Variants in ANTXR1 observed in about 807,000 individuals in gnomAD.
The protein encoded by ANTXR1 is ANTXR cell adhesion molecule 1.
A neutral mutation model predicts 78.1 loss-of-function variants in ANTXR1; 19 were observed. The observed-to-expected ratio is 0.24, with a 90% CI of 0.17 to 0.36. The LOEUF is 0.36. Among genes scored for constraint, ANTXR1 ranks in the 10% least tolerant of loss-of-function variants. The probability of loss-of-function intolerance (pLI) is 1.00; values close to 1 mark genes in which losing one functional copy is unlikely to be tolerated. For missense variants in ANTXR1, 518 were observed against 718.6 expected (o/e 0.72, Z 3.19); for synonymous variants, 273 against 260.5 (o/e 1.05, Z -0.46).
At chr2:69,207,095 C>T (rs12474538) in intron 17 of ANTXR1, among the ~76,000 whole-genome samples, 1 of 152,080 alleles carries the variant, frequency 6.6e-6, no homozygotes, top group Non-Finnish European at 1.5e-5. Flanking sequence ...AGGGTGTCAT[C>T]CACAGCCAGG....
At chr2:69,124,446 A>G (rs2104379895) in intron 11 of ANTXR1, 119 bp from the exon 12 acceptor site, 1 of 882,056 alleles carries the variant, frequency 1.1e-6, no homozygotes, top group East Asian at 2.4e-5. Context: ...CCTGGAGAAG[A>G]GACTCCAGTC....
Position 69,245,616 on chromosome 2 carries a change from C to A in ANTXR1, c.*131C>A. On this transcript the variant is annotated 3_prime_UTR_variant, in exon 18 of 18. Transcript: ENST00000303714. ...ACATTCTAAAAATTGGTTGGCAATG[C>A]CAGTATACCAACAATCATGATCAGC... 1.6e-6 allele frequency: 2 copies of A among 1,261,940 alleles called. No homozygotes were observed. The highest frequency in any genetic ancestry group is 1.1e-6 in the Non-Finnish European group (1 of 909,920). 78.2% of individuals were successfully genotyped at this position (1,261,940 alleles called of 1,614,324 possible). A position where few individuals can be genotyped will look rare whatever the true frequency, so the allele number is the denominator to read the frequency against.
chr2:69,181,753 T>C (rs1674279288), intron 14 of ANTXR1, 33 bp from the exon 15 acceptor site: 3 of 1,607,440 alleles, frequency 1.9e-6, no homozygotes, highest in Non-Finnish European at 2.6e-6. Context: ...CAGTGCTGTT[T>C]TGCTTCCTTC....
chr2:69,033,214 G>C (rs1252338181), intron 1 of ANTXR1, among the ~76,000 whole-genome samples: 1 of 152,162 alleles, frequency 6.6e-6, no homozygotes, highest in Non-Finnish European at 1.5e-5. Context: ...ACTAGGTTTG[G>C]GTCTGTATTG....
At chr2:69,078,847 G>T (rs1670816882) in intron 8 of ANTXR1, among the ~76,000 whole-genome samples, 1 of 152,054 alleles carries the variant, frequency 6.6e-6, no homozygotes, top group African/African-American at 2.4e-5. Flanking sequence ...AAACATTCTT[G>T]AATATGCATA....
chr2:69,037,141 C>T (rs1197804051), intron 1 of ANTXR1, among the ~76,000 whole-genome samples: 1 of 152,216 alleles, frequency 6.6e-6, no homozygotes, highest in African/African-American at 2.4e-5. Flanking sequence ...ACGTAAGTCA[C>T]GGGAATTGGC....
intron 17 of ANTXR1, among the ~76,000 whole-genome samples, chr2:69,239,520 C>T (rs1043404952): frequency 2.0e-5 from 3 of 151,974 alleles, no homozygotes; most frequent in Admixed American, 1.3e-4. Context: ...TGTAGTGAGC[C>T]GAGATCACTC....
At chr2:69,183,754 T>C (rs1167885575) in intron 16 of ANTXR1, among the ~76,000 whole-genome samples, 1 of 152,024 alleles carries the variant, frequency 6.6e-6, no homozygotes, top group Non-Finnish European at 1.5e-5. Flanking sequence ...CAAATGGCTT[T>C]GAATTCACAT....
intron 1 of ANTXR1, among the ~76,000 whole-genome samples, chr2:69,024,757 C>A (rs1464678958): frequency 6.6e-6 from 1 of 152,144 alleles, no homozygotes; most frequent in African/African-American, 2.4e-5. Flanking sequence ...TGTACTCTAC[C>A]TTGTCATTGT....
chr2:69,211,038 A>T (rs567873983), intron 17 of ANTXR1, among the ~76,000 whole-genome samples: 1 of 152,144 alleles, frequency 6.6e-6, no homozygotes, highest in Admixed American at 6.5e-5. Flanking sequence ...GGTGGAAGTG[A>T]CAAGCCAGAG....
intron 16 of ANTXR1, among the ~76,000 whole-genome samples, chr2:69,192,810 G>A (rs955294597): frequency 1.3e-5 from 2 of 152,126 alleles, no homozygotes; most frequent in African/African-American, 4.8e-5. Context: ...CTCAAGCCCA[G>A]GCTTCAGAGC....
intron 10 of ANTXR1, among the ~76,000 whole-genome samples, chr2:69,113,191 CT>C (rs1243637581): frequency 6.6e-6 from 1 of 152,166 alleles, no homozygotes; most frequent in Non-Finnish European, 1.5e-5. Flanking sequence ...CACCTTCCCC[CT>C]AGTCCTGCTG....
At chr2:69,124,754 G>T in intron 12 of ANTXR1, 111 bp downstream of exon 12, 1 of 1,128,782 alleles carries the variant, frequency 8.9e-7, no homozygotes, top group South Asian at 1.3e-5. Context: ...TTGGTTCTTC[G>T]TTCTGCTTGC....
At chr2:69,231,387 G>T (rs1022367733) in intron 17 of ANTXR1, among the ~76,000 whole-genome samples, 1 of 151,566 alleles carries the variant, frequency 6.6e-6, no homozygotes, top group Non-Finnish European at 1.5e-5. Flanking sequence ...CACAGATCGG[G>T]ATCCTTCGCA....
intron 1 of ANTXR1, among the ~76,000 whole-genome samples, chr2:69,026,964 A>AGACG (rs1178070174): frequency 6.6e-6 from 1 of 152,232 alleles, no homozygotes; most frequent in Non-Finnish European, 1.5e-5. Context: ...GAAATAAAGC[A>AGACG]GACGGACTGA....
chr2:69,123,176 GTGGA>G, intron 11 of ANTXR1, 90 bp downstream of exon 11: 11 of 1,386,816 alleles, frequency 7.9e-6, no homozygotes, highest in Non-Finnish European at 1.0e-5. Flanking sequence ...TCTAGAGAAA[GTGGA>G]GCCTTTCTCT....
At chr2:69,197,683 C>G (rs991462949) in intron 17 of ANTXR1, among the ~76,000 whole-genome samples, 2 of 152,180 alleles carry the variant, frequency 1.3e-5, no homozygotes, top group African/African-American at 2.4e-5. Context: ...TTGACAGAGC[C>G]TAGGTGAGAA....
Position 69,013,593 on chromosome 2 carries a change from A to T in ANTXR1, c.94A>T (p.Arg32Trp). ...CATCTGCGCCGGGCAAGGGGGACGC[A>T]GGGAGGATGGGGGTCCAGCCTGCTA... The part of the protein sequence containing the change: ...VLICAGQGGR[R>W]EDGGPACYGG... Residue 32 changes from arginine (R) to tryptophan (W), a missense_variant, in exon 1 of 18, where the codon AGG (arginine) becomes TGG (tryptophan). Arg to Trp is a moderately radical substitution (Grantham distance 101). Coordinates refer to ENST00000303714, the MANE Select transcript of ANTXR1 (RefSeq NM_032208.3). This position sits in a 1 kb window ranked among gnomAD's most constrained non-coding sequence, Gnocchi z 5.0. 5 of 1,564,380 alleles carry T rather than the reference A, an allele frequency of 3.2e-6. No individual in the cohort carries two copies. The highest frequency in any genetic ancestry group is 4.3e-6 in the Non-Finnish European group (5 of 1,153,542).
At chr2:69,099,805 A>G (rs1235712679) in intron 9 of ANTXR1, among the ~76,000 whole-genome samples, 3 of 152,288 alleles carry the variant, frequency 2.0e-5, no homozygotes, top group East Asian at 3.9e-4. Context: ...TTCTCTTTCT[A>G]TGCCAAGATA....
Sources: allele counts gnomAD v4.1 joint callset (sites outside exome capture counted in the v4.1 genomes callset), GRCh38; gene constraint gnomAD v4.1.1; non-coding constraint Gnocchi (gnomAD v3.1); transcripts MANE v1.5; gene names NCBI Gene and HGNC (gene_info 2026-07-23, HGNC 2026-07-21).